Variants in AGPAT3 observed in about 807,000 individuals in gnomAD.
AGPAT3 encodes the protein 1-acylglycerol-3-phosphate O-acyltransferase 3.
A neutral mutation model predicts 47.3 loss-of-function variants in AGPAT3; 5 were observed. The ratio of observed to expected loss-of-function variants is 0.11; its 90% CI spans 0.06 to 0.22. AGPAT3 has a LOEUF of 0.22. Ranked by LOEUF, AGPAT3 falls within the 10% of genes least tolerant of loss-of-function variation. AGPAT3 has a pLI of 1.00. For synonymous variants in AGPAT3, 212 were observed against 208.3 expected, an observed-to-expected ratio of 1.02 and a Z score of -0.15; for missense variants, 315 against 493.0, an observed-to-expected ratio of 0.64 and a Z score of 3.42.
rs547485631 is a variant in AGPAT3 at position 43,967,872 on chromosome 21, T to A, written c.179-74T>A. On this transcript the variant is annotated intron_variant, in intron 3 of 9. Transcript: ENST00000291572. ...TCTCTGGACAAAAATACTGTAGGTG[T>A]CTCCTGTGGGCGCTCCCTGACCATC... is the stretch of plus-strand genomic sequence containing the variant. The A allele has an allele frequency of 1.5e-5, 22 of 1,469,520 alleles. No homozygotes were observed. The Admixed American group carries it at 3.3e-4, about 22-fold the overall frequency. The allele number at this position is 1,469,520 out of a possible 1,614,324, so 91.0% of individuals were successfully genotyped here. A position where few individuals can be genotyped will look rare whatever the true frequency, so the allele number is the denominator to read the frequency against.
chr21:43,869,115 T>A (rs767074998), intron 1 of AGPAT3, among the ~76,000 whole-genome samples: 10 of 152,226 alleles, frequency 6.6e-5, no homozygotes, highest in African/African-American at 9.6e-5. Context: ...AATCTCCATC[T>A]GAATTGATAG....
At chr21:43,866,367 A>C (rs1200011710) in intron 1 of AGPAT3, among the ~76,000 whole-genome samples, 4 of 151,244 alleles carry the variant, frequency 2.6e-5, no homozygotes, top group Non-Finnish European at 5.9e-5. Flanking sequence ...GCCAACGCCG[A>C]GAGCCTGCTG....
At chr21:43,963,130 C>G (rs931441944) in intron 3 of AGPAT3, among the ~76,000 whole-genome samples, 1 of 152,092 alleles carries the variant, frequency 6.6e-6, no homozygotes, top group South Asian at 2.1e-4. Context: ...ATGGGTACAC[C>G]AGACATCAAT....
intron 2 of AGPAT3, among the ~76,000 whole-genome samples, chr21:43,917,082 T>G (rs980530509): frequency 2.0e-5 from 3 of 152,144 alleles, no homozygotes; most frequent in Admixed American, 6.6e-5. Flanking sequence ...CCGGGCACCC[T>G]GCGGGCAAGT....
intron 4 of AGPAT3, among the ~76,000 whole-genome samples, chr21:43,968,563 C>T (rs2089254411): frequency 6.6e-6 from 1 of 151,842 alleles, no homozygotes; most frequent in Admixed American, 6.6e-5. Flanking sequence ...GCCGGGGAGG[C>T]CCCTGGGGTC....
At chr21:43,905,028 C>T (rs1025774894) in intron 2 of AGPAT3, among the ~76,000 whole-genome samples, 17 of 152,056 alleles carry the variant, frequency 1.1e-4, no homozygotes, top group Admixed American at 6.5e-4. Flanking sequence ...ACACCAAGCT[C>T]GGGCTTTCAG....
rs921331681 is a variant in AGPAT3 at position 43,932,993 on chromosome 21, G to A, written c.-48-26641G>A. On this transcript the variant is annotated intron_variant, in intron 2 of 9. Transcript: ENST00000291572. This position sits in a 1 kb window ranked among gnomAD's most constrained non-coding sequence, Gnocchi z 5.2. The stretch of plus-strand genomic sequence containing the variant: ...TTTTGGAGGCACCTCCAGATGGTTT[G>A]TGTAGTGGCCACACTGATTGACGCT... Among the ~76,000 whole-genome samples the A allele has an allele frequency of 1.3e-5, 2 of 152,168 alleles. No individual in the cohort carries two copies. Among genetic ancestry groups the A allele is most frequent in the East Asian group, 1.9e-4 (1 of 5,198 alleles).
chr21:43,893,744 G>T (rs1468836040), intron 1 of AGPAT3, among the ~76,000 whole-genome samples: 2 of 152,218 alleles, frequency 1.3e-5, no homozygotes, highest in African/African-American at 2.4e-5. Context: ...GAGATGGGAA[G>T]AGCCGCTCGG....
At chr21:43,883,825 C>T (rs144628877) in intron 1 of AGPAT3, among the ~76,000 whole-genome samples, 2,820 of 152,270 alleles carry the variant, frequency 0.019, 75 homozygotes, top group African/African-American at 0.065. Flanking sequence ...AACTTCTGAC[C>T]TCAGGCAATC....
intron 2 of AGPAT3, among the ~76,000 whole-genome samples, chr21:43,958,825 G>T (rs1449855848): frequency 6.8e-6 from 1 of 147,944 alleles, no homozygotes; most frequent in Non-Finnish European, 1.5e-5. Flanking sequence ...TGTGTGGTTT[G>T]TGATGTGTGG....
intron 1 of AGPAT3, among the ~76,000 whole-genome samples, chr21:43,882,801 G>T (rs1312553270): frequency 6.6e-6 from 1 of 152,238 alleles, no homozygotes; most frequent in African/African-American, 2.4e-5. Context: ...GTCTTGGGGG[G>T]TGGTGCCCCT....
intron 3 of AGPAT3, chr21:43,960,881 C>G: frequency 1.7e-6 from 1 of 584,134 alleles, no homozygotes; most frequent in Non-Finnish European, 2.2e-6. Flanking sequence ...TGGCTCATGC[C>G]TGTAATCCCA....
At chr21:43,873,116 C>A (rs974565463) in intron 1 of AGPAT3, among the ~76,000 whole-genome samples, 7 of 152,176 alleles carry the variant, frequency 4.6e-5, no homozygotes, top group Non-Finnish European at 8.8e-5. Flanking sequence ...GAGATGGCAT[C>A]GAGTGGCGGG....
In AGPAT3 at chr21:43,920,276, G is replaced by T. The variant is rs1033522226; in HGVS notation, c.-49+16257G>T. On this transcript the variant is annotated intron_variant, in intron 2 of 9. Coordinates refer to ENST00000291572, the MANE Select transcript of AGPAT3 (RefSeq NM_020132.5). This position sits in a 1 kb window ranked among gnomAD's most constrained non-coding sequence, Gnocchi z 6.1. ...AAGGGTGTGTGTAAAGCGTGAATGT[G>T]TCAGTGTGAGAGTGTGTGTGTGCGT... Among the ~76,000 whole-genome samples, 5 of 152,056 alleles carry T rather than the reference G, an allele frequency of 3.3e-5. No individual in the cohort carries two copies. The highest frequency in any genetic ancestry group is 9.7e-5 in the African/African-American group (4 of 41,404).
chr21:43,913,234 A>G (rs1466189007), intron 2 of AGPAT3, among the ~76,000 whole-genome samples: 1 of 152,230 alleles, frequency 6.6e-6, no homozygotes, highest in African/African-American at 2.4e-5. Flanking sequence ...TAAATTTTAA[A>G]GAAATTTTTG....
chr21:43,898,064 G>A (rs559131678), intron 1 of AGPAT3, among the ~76,000 whole-genome samples: 2 of 152,286 alleles, frequency 1.3e-5, no homozygotes, highest in East Asian at 1.9e-4. Flanking sequence ...AGGTTGCAGC[G>A]AGCTGAGATC....
chr21:43,924,041 G>A (rs907929153), intron 2 of AGPAT3, among the ~76,000 whole-genome samples: 1 of 152,108 alleles, frequency 6.6e-6, no homozygotes, highest in Admixed American at 6.6e-5. Flanking sequence ...TTTTGAGACG[G>A]AGTCTCGCTC....
At position 43,959,828 on chromosome 21, in the gene AGPAT3, C is replaced by T. The variant is rs761767729; in HGVS notation, c.147C>T (p.Leu49=). 6.2e-7 allele frequency: 1 copy of T among 1,611,398 alleles called. No homozygotes were observed. Among genetic ancestry groups the T allele is most frequent in the South Asian group, 1.1e-5 (1 of 91,050 alleles). Residue 49 remains leucine (L), a synonymous_variant, in exon 3 of 10, where the codon CTC becomes CTT. Coordinates refer to ENST00000291572, the MANE Select transcript of AGPAT3 (RefSeq NM_020132.5). ...TCAGCAAGCAGCTCTACCGCCGCCTCAACTGCCGCCTCGCCTACTCACTCT... is the reference window on the plus strand; with the variant it reads ...TCAGCAAGCAGCTCTACCGCCGCCTTAACTGCCGCCTCGCCTACTCACTCT... The part of the protein sequence containing the change: ...WPVSKQLYRR[L]NCRLAYSLWS...
Position 43,930,311 on chromosome 21 carries a change from G to T in AGPAT3, c.-49+26292G>T, listed in dbSNP as rs550228009. On this transcript the variant is annotated intron_variant, in intron 2 of 9. Coordinates refer to ENST00000291572, the MANE Select transcript of AGPAT3 (RefSeq NM_020132.5). This position sits in a 1 kb window ranked among gnomAD's most constrained non-coding sequence, Gnocchi z 5.0. ...AATGCAGCCCGGTTCCCTGTCCTGG[G>T]CCTGCCAGTGACTTTGTGGTCCTGG... 5.9e-4 allele frequency among the ~76,000 whole-genome samples: 90 copies of T among 152,280 alleles called. 1 individual carries two copies. Among genetic ancestry groups the T allele is most frequent in the Admixed American group, 1.2e-3 (19 of 15,292 alleles).
Sources: gnomAD v4.1 joint callset for allele counts (sites outside exome capture counted in the v4.1 genomes callset) on GRCh38, gnomAD v4.1.1 for gene constraint, Gnocchi (gnomAD v3.1) non-coding constraint, MANE v1.5 for transcripts, NCBI Gene and HGNC (gene_info 2026-07-23, HGNC 2026-07-21) for gene names.